LRP1B: variants seen among roughly 807,000 people sequenced by gnomAD.
LRP1B encodes low-density lipoprotein receptor-related protein 1B.
Under a neutral mutation model 556.6 loss-of-function variants are expected in LRP1B, and 217 were observed. That is an observed-to-expected ratio of 0.39 (90% CI 0.35 to 0.44). The LOEUF (loss-of-function observed/expected upper bound fraction) is 0.44. LRP1B is among the 20% of genes least tolerant of loss of function. The pLI, the probability that LRP1B is intolerant of heterozygous loss-of-function variation, is 1.00. For synonymous variants in LRP1B, 2,047 were observed against 1,865.8 expected (o/e 1.10, Z -2.50); for missense variants, 5,053 against 5,620.8 (o/e 0.90, Z 3.23).
chr2:140,462,146 T>G (rs1231217348), intron 60 of LRP1B, among the ~76,000 whole-genome samples: 1 of 152,302 alleles, frequency 6.6e-6, no homozygotes, highest in African/African-American at 2.4e-5. Context: ...AATCCTACTA[T>G]CTTTTTCTTT....
At chr2:141,184,291 G>A (rs1681140412) in intron 7 of LRP1B, among the ~76,000 whole-genome samples, 1 of 151,970 alleles carries the variant, frequency 6.6e-6, no homozygotes, top group Non-Finnish European at 1.5e-5. Flanking sequence ...GTCCTCAGAG[G>A]ACATGCTAAC....
chr2:142,045,788 G>T (rs1212531604), intron 1 of LRP1B, among the ~76,000 whole-genome samples: 2 of 151,820 alleles, frequency 1.3e-5, no homozygotes, highest in Non-Finnish European at 2.9e-5. Context: ...TCAGTAACTT[G>T]CCCAGTGCCA....
At chr2:141,224,534 T>C (rs78046968) in intron 6 of LRP1B, among the ~76,000 whole-genome samples, 1 of 152,152 alleles carries the variant, frequency 6.6e-6, no homozygotes, top group African/African-American at 2.4e-5. Flanking sequence ...GATGCACGTG[T>C]ATGTTCATTT....
chr2:141,329,993 T>C (rs890002996), intron 3 of LRP1B, among the ~76,000 whole-genome samples: 3 of 95,992 alleles, frequency 3.1e-5, no homozygotes, highest in Non-Finnish European at 4.5e-5. Context: ...ACAAACTGAC[T>C]ATTATAGATA....
At chr2:141,124,391 A>G (rs1701145422) in intron 7 of LRP1B, among the ~76,000 whole-genome samples, 1 of 152,314 alleles carries the variant, frequency 6.6e-6, no homozygotes, top group Admixed American at 6.5e-5. Context: ...CTCAAAAAAT[A>G]TAGAATATGT....
chr2:141,554,520 T>A (rs2105236375), intron 2 of LRP1B, among the ~76,000 whole-genome samples: 1 of 151,880 alleles, frequency 6.6e-6, no homozygotes, highest in South Asian at 2.1e-4. Context: ...ACATTTTTAC[T>A]ATAACTTTAT....
intron 1 of LRP1B, among the ~76,000 whole-genome samples, chr2:141,904,563 G>T (rs1245665683): frequency 2.6e-5 from 4 of 151,752 alleles, no homozygotes; most frequent in Non-Finnish European, 5.9e-5. Flanking sequence ...GTGAGGCAGT[G>T]GATATTCAGT....
chr2:141,727,001 A>G (rs370233686), intron 2 of LRP1B, among the ~76,000 whole-genome samples: 2 of 152,098 alleles, frequency 1.3e-5, no homozygotes, highest in South Asian at 4.1e-4. Context: ...AGTTCATTTT[A>G]AAAAGAAAAA....
intron 79 of LRP1B, among the ~76,000 whole-genome samples, chr2:140,334,094 T>C (rs1573808139): frequency 6.6e-6 from 1 of 152,018 alleles, no homozygotes; most frequent in Non-Finnish European, 1.5e-5. Flanking sequence ...ATTTCATCTC[T>C]CATTCTCTAG....
intron 84 of LRP1B, 66 bp downstream of exon 84, chr2:140,297,742 G>A (rs1428297314): frequency 1.7e-5 from 25 of 1,498,338 alleles, no homozygotes; most frequent in Middle Eastern, 2.5e-4. Flanking sequence ...TGGAAGGAGT[G>A]GATACAGGAA....
chr2:140,308,547 C>A (rs1684162451), intron 83 of LRP1B, among the ~76,000 whole-genome samples: 1 of 151,790 alleles, frequency 6.6e-6, no homozygotes, highest in Admixed American at 6.6e-5. Context: ...ATGACGCTTA[C>A]CCCCATTTAG....
intron 3 of LRP1B, among the ~76,000 whole-genome samples, chr2:141,467,696 C>T (rs1412810178): frequency 6.6e-6 from 1 of 152,128 alleles, no homozygotes; most frequent in Non-Finnish European, 1.5e-5. Flanking sequence ...TACTTCCCTT[C>T]TGCACATTGC....
At chr2:141,969,479 T>G (rs1701663130) in intron 1 of LRP1B, among the ~76,000 whole-genome samples, 1 of 151,662 alleles carries the variant, frequency 6.6e-6, no homozygotes, top group South Asian at 2.1e-4. Flanking sequence ...ATTTCTATTG[T>G]TTTAGATTCC....
rs193012130 is a variant in LRP1B, at chr2:141,641,805, A to G, written c.206-161272T>C. 1.3e-3 allele frequency among the ~76,000 whole-genome samples: 195 copies of G among 152,290 alleles called. 1 individual carries two copies. The Middle Eastern group carries it at 0.017, about 13-fold the overall frequency. ...TGCAGAGGACCTGGGACTCATGATT[A>G]ATAACATTGTTTAATGATTTTTCTC... On this transcript the variant is annotated intron_variant, in intron 2 of 90. Transcript: ENST00000389484.
At chr2:141,502,541 A>G (rs1683757174) in intron 2 of LRP1B, among the ~76,000 whole-genome samples, 1 of 152,168 alleles carries the variant, frequency 6.6e-6, no homozygotes, top group Admixed American at 6.6e-5. Context: ...GCCTATGGGA[A>G]ACTGTTTCAG....
chr2:141,094,971 G>A (rs1266312323), intron 7 of LRP1B, among the ~76,000 whole-genome samples: 1 of 152,182 alleles, frequency 6.6e-6, no homozygotes. Context: ...TGTTGAGAGA[G>A]TGGGGCCTAG....
intron 60 of LRP1B, among the ~76,000 whole-genome samples, chr2:140,470,068 A>T (rs1490236724): frequency 6.6e-6 from 1 of 152,248 alleles, no homozygotes; most frequent in African/African-American, 2.4e-5. Context: ...CATTAGGCTA[A>T]GAAAATGTCT....
At chr2:141,324,470 T>C (rs1415514793) in intron 3 of LRP1B, among the ~76,000 whole-genome samples, 2 of 152,148 alleles carry the variant, frequency 1.3e-5, no homozygotes, top group African/African-American at 2.4e-5. Context: ...CTCCTTTCTA[T>C]CTTTCCCTTG....
chr2:142,116,170 G>C (rs144782374), intron 1 of LRP1B, among the ~76,000 whole-genome samples: 3,344 of 128,010 alleles, frequency 0.026, 54 homozygotes, highest in Middle Eastern at 0.058. Flanking sequence ...TCCAGCCTGG[G>C]TGACAGAGCG....
Sources: gnomAD v4.1 joint callset for allele counts (sites outside exome capture counted in the v4.1 genomes callset) on GRCh38, gnomAD v4.1.1 for gene constraint, MANE v1.5 for transcripts, NCBI Gene and HGNC (gene_info 2026-07-23, HGNC 2026-07-21) for gene names.